CELSR1: variants seen among roughly 807,000 people sequenced by gnomAD.
CELSR1 encodes cadherin EGF LAG seven-pass G-type receptor 1.
Under a neutral mutation model 249.1 loss-of-function variants are expected in CELSR1, and 110 were observed. That is an observed-to-expected ratio of 0.44 (90% CI 0.38 to 0.52). The LOEUF (loss-of-function observed/expected upper bound fraction) is 0.52, where lower values mean the gene tolerates loss of function less well. Ranked by LOEUF, CELSR1 falls within the 20% of genes least tolerant of loss-of-function variation. The probability of loss-of-function intolerance (pLI) is 0.00; values close to 1 mark genes in which losing one functional copy is unlikely to be tolerated. For synonymous variants in CELSR1, 2,113 were observed against 1,900.0 expected (o/e 1.11, Z -2.92); for missense variants, 4,109 against 4,296.4 (o/e 0.96, Z 1.22).
At chr22:46,444,352 C>A (rs1261961360) in intron 2 of CELSR1, among the ~76,000 whole-genome samples, 2 of 152,188 alleles carry the variant, frequency 1.3e-5, no homozygotes, top group East Asian at 3.9e-4. Flanking sequence ...TTTCTAGTGG[C>A]CCCCGATATC....
At position 46,398,474 on chromosome 22, in the gene CELSR1, G is replaced by T; in HGVS notation, c.5526+50C>A. 7.3e-7 allele frequency: 1 copy of T among 1,364,976 alleles called. No individual in the cohort carries two copies. The highest frequency in any genetic ancestry group is 1.0e-6 in the Non-Finnish European group (1 of 982,224). 84.6% of individuals were successfully genotyped at this position (1,364,976 alleles called of 1,614,324 possible). On this transcript the variant is annotated intron_variant, in intron 11 of 34. Coordinates refer to ENST00000674500, the MANE Select transcript of CELSR1 (RefSeq NM_001378328.1). This position sits in a 1 kb window ranked among gnomAD's most constrained non-coding sequence, Gnocchi z 7.2. ...CACCTATGGTGCTGCCAGCCTCGGAGCTGCCTGTGAGGGGCAGGCCTCCCC... is the reference window on the plus strand; with the variant it reads ...CACCTATGGTGCTGCCAGCCTCGGATCTGCCTGTGAGGGGCAGGCCTCCCC...
At chr22:46,510,060 G>A (rs559160972) in intron 1 of CELSR1, among the ~76,000 whole-genome samples, 2 of 152,226 alleles carry the variant, frequency 1.3e-5, no homozygotes, top group East Asian at 3.8e-4. Context: ...AACATGTCCA[G>A]AAGGCTGGCT....
intron 9 of CELSR1, among the ~76,000 whole-genome samples, chr22:46,405,895 T>C (rs918020180): frequency 2.6e-5 from 4 of 152,120 alleles, no homozygotes; most frequent in African/African-American, 9.7e-5. Context: ...TAACGTGTGG[T>C]TGACCGGCCT....
chr22:46,366,924 G>C, intron 29 of CELSR1, 69 bp downstream of exon 29: 1 of 1,537,412 alleles, frequency 6.5e-7, no homozygotes, highest in Non-Finnish European at 8.7e-7. Flanking sequence ...GCTGAGGCTC[G>C]ATCACCCTCC....
intron 5 of CELSR1, among the ~76,000 whole-genome samples, chr22:46,420,611 TA>T (rs1400282412): frequency 6.7e-6 from 1 of 150,136 alleles, no homozygotes; most frequent in Non-Finnish European, 1.5e-5. Context: ...TTGCACAATA[TA>T]CTCACCTGTA....
chr22:46,449,290 C>G (rs954518040), intron 2 of CELSR1, among the ~76,000 whole-genome samples: 2 of 151,894 alleles, frequency 1.3e-5, no homozygotes, highest in Non-Finnish European at 2.9e-5. Context: ...CACCATTCAT[C>G]CATCTATCCA....
intron 5 of CELSR1, among the ~76,000 whole-genome samples, chr22:46,415,525 A>C (rs1487828830): frequency 2.6e-5 from 4 of 152,098 alleles, no homozygotes; most frequent in Non-Finnish European, 5.9e-5. Flanking sequence ...AACATTTTAG[A>C]TCTCAATAGA....
chr22:46,402,162 G>A lies in CELSR1; in HGVS notation c.5227-2260C>T, dbSNP rs2079216264. ...GGGAAAGTGCTCCTAGTGGTTGCCA[G>A]AAGCAAACATGGAAGATAATGACAT... On this transcript the variant is annotated intron_variant, in intron 9 of 34. Transcript: ENST00000674500. The surrounding 1 kb of genome is among the most constrained non-coding windows in gnomAD (Gnocchi z 5.0). Among the ~76,000 whole-genome samples the A allele has an allele frequency of 6.6e-6, 1 of 152,012 alleles. No homozygotes were observed. The highest frequency in any genetic ancestry group is 1.9e-4 in the East Asian group (1 of 5,178).
At chr22:46,422,252 C>T (rs1187982766) in intron 5 of CELSR1, among the ~76,000 whole-genome samples, 1 of 151,922 alleles carries the variant, frequency 6.6e-6, no homozygotes, top group African/African-American at 2.4e-5. Context: ...ATTATGGGCA[C>T]CTGCCACCAC....
rs139553771 is a variant in CELSR1, at chr22:46,368,359, G to A, written c.7953-504C>T. On this transcript the variant is annotated intron_variant, in intron 27 of 34. Coordinates refer to ENST00000674500, the MANE Select transcript of CELSR1 (RefSeq NM_001378328.1). ...GGTGACAGAGCCCGCAAGGTCCACA[G>A]GTCGTGGATGGCACTGAAGACGAGG... Among the ~76,000 whole-genome samples, 1,075 of 152,206 alleles carry A rather than the reference G, an allele frequency of 7.1e-3. 12 individuals are homozygous for A. The highest frequency in any genetic ancestry group is 0.011 in the Admixed American group (162 of 15,292).
intron 19 of CELSR1, among the ~76,000 whole-genome samples, chr22:46,385,975 C>CTTTTTTTTTTTTTT (rs562430150): frequency 7.3e-6 from 1 of 137,680 alleles, no homozygotes; most frequent in Non-Finnish European, 1.5e-5. Flanking sequence ...CCGCGCCCGG[C>CTTTTTTTTTTTTTT]TTTTTTTTTT....
In CELSR1 at chr22:46,464,424, C is replaced by T; in HGVS notation, c.3545-79G>A. 1.4e-6 allele frequency: 2 copies of T among 1,466,534 alleles called. No homozygotes were observed. The highest frequency in any genetic ancestry group is 2.6e-5 in the South Asian group (2 of 76,890). The allele number at this position is 1,466,534 out of a possible 1,614,324, so 90.8% of individuals were successfully genotyped here. On this transcript the variant is annotated intron_variant, in intron 1 of 34. Transcript: ENST00000674500. This position sits in a 1 kb window ranked among gnomAD's most constrained non-coding sequence, Gnocchi z 8.5. ...CTATAGGCCCCATCCCAGGAGCAGCCTCAGGCATGCTTGGCAAAGGAGAAG... is the reference window on the plus strand; with the variant it reads ...CTATAGGCCCCATCCCAGGAGCAGCTTCAGGCATGCTTGGCAAAGGAGAAG...
intron 1 of CELSR1, among the ~76,000 whole-genome samples, chr22:46,501,863 G>A (rs892301946): frequency 3.9e-5 from 6 of 152,120 alleles, no homozygotes; most frequent in African/African-American, 1.4e-4. Context: ...AGAAAACAAA[G>A]AAAAATCATC....
rs2079495422 is a variant in CELSR1 at position 46,423,003 on chromosome 22, CA to C, written c.4611+10389del. 6.6e-6 allele frequency among the ~76,000 whole-genome samples: 1 copy of C among 152,176 alleles called. No homozygotes were observed. The highest frequency in any genetic ancestry group is 2.1e-4 in the South Asian group (1 of 4,820). Reference sequence around the variant, plus strand: ...AATGCCACCTCCTGGCTCTTGCCACCAATGGTCCATGTCTCTACCTAGAGGC... The same window carrying C: ...AATGCCACCTCCTGGCTCTTGCCACCATGGTCCATGTCTCTACCTAGAGGC... On this transcript the variant is annotated intron_variant, in intron 5 of 34. Coordinates refer to ENST00000674500, the MANE Select transcript of CELSR1 (RefSeq NM_001378328.1). This position sits in a 1 kb window ranked among gnomAD's most constrained non-coding sequence, Gnocchi z 5.6.
At chr22:46,515,125 A>AC (rs3838179) in intron 1 of CELSR1, among the ~76,000 whole-genome samples, 49 of 151,348 alleles carry the variant, frequency 3.2e-4, no homozygotes, top group East Asian at 1.2e-3. Context: ...AGCAGAGCCA[A>AC]CCCCCCCCGG....
chr22:46,403,907 A>G (rs2079235129), intron 9 of CELSR1, among the ~76,000 whole-genome samples: 1 of 139,986 alleles, frequency 7.1e-6, no homozygotes, highest in South Asian at 2.5e-4. Flanking sequence ...CGGGAGGTGG[A>G]GGCTGCAGTG....
At chr22:46,530,840 C>T (rs1412296950) in intron 1 of CELSR1, among the ~76,000 whole-genome samples, 1 of 152,354 alleles carries the variant, frequency 6.6e-6, no homozygotes, top group African/African-American at 2.4e-5. Flanking sequence ...CTGCTGAAAG[C>T]TGGCAGCCCT....
At position 46,395,492 on chromosome 22, in the gene CELSR1, A is replaced by G. The variant is rs1319557548; in HGVS notation, c.5843+1113T>C. On this transcript the variant is annotated intron_variant, in intron 13 of 34. Coordinates refer to ENST00000674500, the MANE Select transcript of CELSR1 (RefSeq NM_001378328.1). This position sits in a 1 kb window ranked among gnomAD's most constrained non-coding sequence, Gnocchi z 5.5. ...CAGAATGCCCTCCCGCTTCAGCCACACTGGCTCCCACCTCCCTCTCCACTC... is the reference window on the plus strand; with the variant it reads ...CAGAATGCCCTCCCGCTTCAGCCACGCTGGCTCCCACCTCCCTCTCCACTC... Among the ~76,000 whole-genome samples, 1 of 99,558 alleles carries G rather than the reference A, an allele frequency of 1.0e-5. No homozygotes were observed. Among genetic ancestry groups the G allele is most frequent in the Non-Finnish European group, 2.2e-5 (1 of 44,504 alleles). The allele number at this position is 99,558 out of a possible 152,430, so 65.3% of individuals were successfully genotyped here. A position where few individuals can be genotyped will look rare whatever the true frequency, so the allele number is the denominator to read the frequency against.
At chr22:46,431,735 C>T (rs1382331482) in intron 5 of CELSR1, among the ~76,000 whole-genome samples, 2 of 152,354 alleles carry the variant, frequency 1.3e-5, no homozygotes, top group Non-Finnish European at 1.5e-5. Flanking sequence ...GCTAGCACTG[C>T]CCCACACAGC....
Sources: allele counts gnomAD v4.1 joint callset (sites outside exome capture counted in the v4.1 genomes callset), GRCh38; gene constraint gnomAD v4.1.1; non-coding constraint Gnocchi (gnomAD v3.1); transcripts MANE v1.5; gene names NCBI Gene and HGNC (gene_info 2026-07-23, HGNC 2026-07-21).